Variants in XPNPEP3 observed in about 807,000 individuals in gnomAD.
XPNPEP3 encodes xaa-Pro aminopeptidase 3.
A neutral mutation model predicts 60.0 loss-of-function variants in XPNPEP3; 41 were observed. That is an observed-to-expected ratio of 0.68 (90% CI 0.53 to 0.89). The LOEUF (loss-of-function observed/expected upper bound fraction) is 0.89, where lower values mean the gene tolerates loss of function less well. Ranked by LOEUF, XPNPEP3 falls within the 40% of genes least tolerant of loss-of-function variation. The probability of loss-of-function intolerance (pLI) is 0.00; values close to 1 mark genes in which losing one functional copy is unlikely to be tolerated. For synonymous variants in XPNPEP3, 212 were observed against 223.2 expected (o/e 0.95, Z 0.45); for missense variants, 598 against 638.9 (o/e 0.94, Z 0.69).
chr22:40,870,045 C>T (rs1183446574), intron 2 of XPNPEP3: 1 of 470,862 alleles, frequency 2.1e-6, no homozygotes, highest in East Asian at 7.0e-5. Context: ...GATTTTTCAT[C>T]AGACTCGAAT....
intron 4 of XPNPEP3, among the ~76,000 whole-genome samples, chr22:40,889,160 A>G (rs1303882014): frequency 6.6e-6 from 1 of 152,004 alleles, no homozygotes; most frequent in Non-Finnish European, 1.5e-5. Context: ...CCTCCTGAGT[A>G]GCTTGGATTA....
intron 5 of XPNPEP3, among the ~76,000 whole-genome samples, chr22:40,908,865 C>G (rs1449099922): frequency 1.3e-5 from 2 of 152,096 alleles, no homozygotes; most frequent in East Asian, 3.9e-4. Context: ...GAAAAAAGAA[C>G]AGATTTAATA....
intron 4 of XPNPEP3, among the ~76,000 whole-genome samples, chr22:40,898,774 C>A (rs1341062386): frequency 1.3e-5 from 2 of 152,104 alleles, no homozygotes; most frequent in Non-Finnish European, 2.9e-5. Context: ...TGGTGGATGC[C>A]TTTTATCACA....
chr22:40,904,278 G>A (rs2058146031), intron 4 of XPNPEP3, among the ~76,000 whole-genome samples: 1 of 152,136 alleles, frequency 6.6e-6, no homozygotes, highest in Admixed American at 6.5e-5. Context: ...CTCATAGGAG[G>A]CACATTCCTT....
At chr22:40,885,427 T>C (rs1051697708) in intron 3 of XPNPEP3, among the ~76,000 whole-genome samples, 2 of 152,202 alleles carry the variant, frequency 1.3e-5, no homozygotes, top group African/African-American at 2.4e-5. Context: ...AAAGCTGAAC[T>C]GTGATTGTTT....
At chr22:40,880,269 T>C (rs2058042393) in intron 2 of XPNPEP3, among the ~76,000 whole-genome samples, 2 of 151,452 alleles carry the variant, frequency 1.3e-5, no homozygotes, top group African/African-American at 2.4e-5. Context: ...GAATAAGTTA[T>C]GGTCTCTTCA....
At position 40,881,605 on chromosome 22, in the gene XPNPEP3, A is replaced by T. The variant is rs142797760; in HGVS notation, c.182-165A>T. On this transcript the variant is annotated intron_variant, in intron 2 of 9. Transcript: ENST00000357137. ...CATTTCTTCCAAATTTTTGCAGTGG[A>T]ATACAAGTTTGAAACCTGGTTATCT... Among the ~76,000 whole-genome samples, 39 of 152,270 alleles carry T rather than the reference A, an allele frequency of 2.6e-4. No individual in the cohort carries two copies. The East Asian group carries it at 6.4e-3, about 25-fold the overall frequency.
intron 2 of XPNPEP3, among the ~76,000 whole-genome samples, chr22:40,874,804 C>T (rs1012914867): frequency 2.6e-5 from 4 of 152,134 alleles, no homozygotes; most frequent in Non-Finnish European, 5.9e-5. Flanking sequence ...TAGCTAGGTG[C>T]ATGAGATGCC....
At chr22:40,915,276 C>G (rs1284097445) in intron 7 of XPNPEP3, among the ~76,000 whole-genome samples, 1 of 151,906 alleles carries the variant, frequency 6.6e-6, no homozygotes, top group African/African-American at 2.4e-5. Context: ...CAAGTCCATT[C>G]TTAAAAAACT....
intron 7 of XPNPEP3, among the ~76,000 whole-genome samples, chr22:40,915,161 C>T (rs2058191797): frequency 6.6e-6 from 1 of 150,576 alleles, no homozygotes; most frequent in African/African-American, 2.4e-5. Flanking sequence ...ACATCATTCT[C>T]CTGCTTCAGC....
rs1374086899 is a variant in XPNPEP3 at position 40,927,510 on chromosome 22, G to T, written c.*1075G>T. 6.6e-6 allele frequency: 1 copy of T among 151,524 alleles called. No individual in the cohort carries two copies. The highest frequency in any genetic ancestry group is 2.0e-4 in the East Asian group (1 of 5,126). The allele number at this position is 151,524 out of a possible 1,614,324, so 9.4% of individuals were successfully genotyped here. A position where few individuals can be genotyped will look rare whatever the true frequency, so the allele number is the denominator to read the frequency against. Reference sequence around the variant, plus strand: ...TAAATAAATAAAATCCTGACATCCTGCCATCTTTTCTCTTCAATTTAAAGT... The same window carrying T: ...TAAATAAATAAAATCCTGACATCCTTCCATCTTTTCTCTTCAATTTAAAGT... On this transcript the variant is annotated 3_prime_UTR_variant, in exon 10 of 10. Transcript: ENST00000357137.
At position 40,931,930 on chromosome 22, in the gene XPNPEP3, C is replaced by G. The variant is rs968184232; in HGVS notation, c.*5495C>G. On this transcript the variant is annotated 3_prime_UTR_variant, in exon 10 of 10. Transcript: ENST00000357137. The stretch of plus-strand genomic sequence containing the variant: ...ATACAAATAAAACATGTTAAACCTC[C>G]ATCTAAAGACATTGCAACTTATTAA... 1 of 152,116 alleles carries G rather than the reference C, an allele frequency of 6.6e-6. No individual in the cohort carries two copies. The highest frequency in any genetic ancestry group is 1.5e-5 in the Non-Finnish European group (1 of 68,008). The allele number at this position is 152,116 out of a possible 1,614,324, so 9.4% of individuals were successfully genotyped here.
chr22:40,877,782 G>C (rs534281881), intron 2 of XPNPEP3, among the ~76,000 whole-genome samples: 121 of 152,300 alleles, frequency 7.9e-4, no homozygotes, highest in Non-Finnish European at 1.6e-3. Context: ...ATTCAGGCCA[G>C]ATTGACTATA....
chr22:40,899,780 C>A (rs1427795116), intron 4 of XPNPEP3, among the ~76,000 whole-genome samples: 1 of 142,508 alleles, frequency 7.0e-6, no homozygotes, highest in Non-Finnish European at 1.5e-5. Context: ...GATCACGCTA[C>A]TGCACTCCAG....
In XPNPEP3 at chr22:40,926,508, G is replaced by T; in HGVS notation, c.*73G>T. On this transcript the variant is annotated 3_prime_UTR_variant, in exon 10 of 10. Coordinates refer to ENST00000357137, the MANE Select transcript of XPNPEP3 (RefSeq NM_022098.4). ...TGGCAGCCCTGCACGTGTGCTTTCTGAGTGTCTCTGTGTGTGCATTAATAT... is the reference window on the plus strand; with the variant it reads ...TGGCAGCCCTGCACGTGTGCTTTCTTAGTGTCTCTGTGTGTGCATTAATAT... 1.3e-6 allele frequency: 2 copies of T among 1,542,062 alleles called. No individual in the cohort carries two copies. Among genetic ancestry groups the T allele is most frequent in the Non-Finnish European group, 1.8e-6 (2 of 1,116,358 alleles).
rs552940040 is a variant in XPNPEP3 at position 40,878,811 on chromosome 22, C to T, written c.182-2959C>T. On this transcript the variant is annotated intron_variant, in intron 2 of 9. Coordinates refer to ENST00000357137, the MANE Select transcript of XPNPEP3 (RefSeq NM_022098.4). ...TCGTGTTAGCCAGACTGGCCTTGAA[C>T]TCCTGACCTCAGGTGATCTGCCTGC... Among the ~76,000 whole-genome samples, 10 of 152,268 alleles carry T rather than the reference C, an allele frequency of 6.6e-5. No individual in the cohort carries two copies. The South Asian group carries it at 1.9e-3, about 28-fold the overall frequency.
Position 40,889,418 on chromosome 22 carries a change from A to G in XPNPEP3, c.792+2903A>G, listed in dbSNP as rs958707283. On this transcript the variant is annotated intron_variant, in intron 4 of 9. Transcript: ENST00000357137. ...AGCTCTGGCTAATTCTAAACCTGGA[A>G]TTAGCACAACAGTTCACTCTACCCC... 9.2e-5 allele frequency among the ~76,000 whole-genome samples: 14 copies of G among 152,230 alleles called. 1 individual carries two copies. Among genetic ancestry groups the G allele is most frequent in the Non-Finnish European group, 2.9e-5 (2 of 68,040 alleles).
rs202073812 is a variant in XPNPEP3, at chr22:40,899,836, AAG to A, written c.793-7750_793-7749del. ...CTATCTCAAAAAAAAAAAAAAAAAA[AAG>A]GAATGAAGTTGTACCCCTACTTCAC... On this transcript the variant is annotated intron_variant, in intron 4 of 9. Coordinates refer to ENST00000357137, the MANE Select transcript of XPNPEP3 (RefSeq NM_022098.4). 4.1e-3 allele frequency among the ~76,000 whole-genome samples: 607 copies of A among 146,556 alleles called. 14 individuals are homozygous for A. The highest frequency in any genetic ancestry group is 6.7e-3 in the Non-Finnish European group (442 of 66,174).
intron 1 of XPNPEP3, chr22:40,860,086 C>G (rs1049282019): frequency 6.6e-6 from 1 of 151,938 alleles, no homozygotes; most frequent in African/African-American, 2.4e-5. Flanking sequence ...TTTAAATTTT[C>G]TATAGTTTTT....
Sources: gnomAD v4.1 joint callset for allele counts (sites outside exome capture counted in the v4.1 genomes callset) on GRCh38, gnomAD v4.1.1 for gene constraint, MANE v1.5 for transcripts, NCBI Gene and HGNC (gene_info 2026-07-23, HGNC 2026-07-21) for gene names.